Variants in NAV1 observed in about 807,000 individuals in gnomAD.
NAV1 encodes the protein neuron navigator 1.
A neutral mutation model predicts 175.2 loss-of-function variants in NAV1; 18 were observed. That is an observed-to-expected ratio of 0.10 (90% CI 0.07 to 0.15). NAV1 has a LOEUF of 0.15. Among genes scored for constraint, NAV1 ranks in the 10% least tolerant of loss-of-function variants. The pLI, the probability that NAV1 is intolerant of heterozygous loss-of-function variation, is 1.00. For missense variants in NAV1, 1,731 were observed against 2,436.6 expected, an observed-to-expected ratio of 0.71 and a Z score of 6.10; for synonymous variants, 897 against 978.7, an observed-to-expected ratio of 0.92 and a Z score of 1.56.
At chr1:201,742,259 A>G (rs891161831) in intron 3 of NAV1, among the ~76,000 whole-genome samples, 1 of 152,110 alleles carries the variant, frequency 6.6e-6, no homozygotes, top group Non-Finnish European at 1.5e-5. Flanking sequence ...AGAGATGCTT[A>G]CCCTCCAGAA....
At position 201,682,603 on chromosome 1, in the gene NAV1, A is replaced by G. The variant is rs183907553; in HGVS notation, c.758-30214A>G. 1.6e-4 allele frequency among the ~76,000 whole-genome samples: 24 copies of G among 152,326 alleles called. No homozygotes were observed. The East Asian group carries it at 4.6e-3, about 29-fold the overall frequency. On this transcript the variant is annotated intron_variant, in intron 1 of 29. Coordinates refer to ENST00000367296, the Ensembl canonical transcript of NAV1. Reference sequence around the variant, plus strand: ...CACTGACTTATAACCAAATCTGTGCATAGTCAAGACCCGCATTCAGCTCTG... The same window carrying G: ...CACTGACTTATAACCAAATCTGTGCGTAGTCAAGACCCGCATTCAGCTCTG...
exon 30 of NAV1, chr1:201,820,002 CCT>C: frequency 7.1e-7 from 1 of 1,417,780 alleles, no homozygotes; most frequent in Non-Finnish European, 1.0e-6. Flanking sequence ...CCTCCTCTCC[CCT>C]CTCCTCTTTC....
intron 15 of NAV1, among the ~76,000 whole-genome samples, chr1:201,802,446 C>G (rs1442608343): frequency 8.1e-6 from 1 of 123,212 alleles, no homozygotes; most frequent in Non-Finnish European, 1.7e-5. Context: ...CACAGCAAGA[C>G]CCTGTCTCAT....
intron 2 of NAV1, among the ~76,000 whole-genome samples, chr1:201,642,996 A>G (rs11809777): frequency 1.2e-3 from 184 of 151,804 alleles, no homozygotes; most frequent in African/African-American, 4.2e-3. Flanking sequence ...GGATGGTCTC[A>G]ATCTCCTGAC....
upstream of NAV1, among the ~76,000 whole-genome samples, chr1:201,622,035 G>A (rs1163517316): frequency 6.6e-6 from 1 of 152,216 alleles, no homozygotes; most frequent in African/African-American, 2.4e-5. Flanking sequence ...GAAGAGACAA[G>A]ATCAAGTGCT....
At position 201,808,435 on chromosome 1, in the gene NAV1, C is replaced by G; in HGVS notation, c.3863C>G (p.Ala1288Gly). ...TCTTACAGGGGCCCTGCTCACCCAG[C>G]CCCCCACACTAGGCTGTTCCATGCA... The change falls in exon 19 of 30, where the codon GCC (alanine) becomes GGC (glycine). Residue 1288 changes from alanine to glycine, a missense_variant. Ala to Gly is a moderately conservative substitution (Grantham distance 60, BLOSUM62 0). Transcript: ENST00000367296. The surrounding 1 kb of genome is among the most constrained non-coding windows in gnomAD (Gnocchi z 5.5). 6.2e-7 allele frequency: 1 copy of G among 1,612,588 alleles called. No individual in the cohort carries two copies. The highest frequency in any genetic ancestry group is 1.1e-5 in the South Asian group (1 of 90,926).
rs1483137934 is a variant in NAV1, at chr1:201,718,518, C to T, written c.989C>T (p.Ala330Val). The T allele has an allele frequency of 6.2e-7, 1 of 1,610,894 alleles. No homozygotes were observed. The highest frequency in any genetic ancestry group is 8.5e-7 in the Non-Finnish European group (1 of 1,178,110). The stretch of plus-strand genomic sequence containing the variant: ...AGTCCGCGGCTGCAGGCTGGTGACG[C>T]GCCCTCTGTGGGTGGGAGCTGCCGC... Residue 330 changes from alanine (A) to valine (V), a missense_variant, in exon 3 of 30, where the codon GCG becomes GTG. Around this residue, in one of 13 missense-constraint regions of NAV1, gnomAD observed 487 missense variants for 581.3 expected, o/e 0.84. Transcript: ENST00000367296. This position sits in a 1 kb window ranked among gnomAD's most constrained non-coding sequence, Gnocchi z 4.8.
At chr1:201,636,252 C>T (rs1207328468) in intron 2 of NAV1, among the ~76,000 whole-genome samples, 1 of 152,220 alleles carries the variant, frequency 6.6e-6, no homozygotes, top group Non-Finnish European at 1.5e-5. Flanking sequence ...AGTCTCCCTC[C>T]AGCACCACTG....
intron 2 of NAV1, among the ~76,000 whole-genome samples, chr1:201,632,930 T>C (rs917037046): frequency 2.0e-5 from 3 of 152,218 alleles, no homozygotes; most frequent in Non-Finnish European, 4.4e-5. Context: ...CTAAGAGAAC[T>C]TGCAAAGCTA....
intron 1 of NAV1, among the ~76,000 whole-genome samples, chr1:201,699,210 T>A (rs1440849759): frequency 1.3e-5 from 2 of 152,140 alleles, no homozygotes; most frequent in Non-Finnish European, 2.9e-5. Flanking sequence ...CAGCCCAAAA[T>A]CTCCTTAAGC....
At chr1:201,654,568 G>A (rs1669330025) in intron 1 of NAV1, among the ~76,000 whole-genome samples, 1 of 152,102 alleles carries the variant, frequency 6.6e-6, no homozygotes, top group Non-Finnish European at 1.5e-5. Context: ...TGGTGCAAGG[G>A]AGAGCCAGTG....
At chr1:201,604,416 C>G (rs760226587) in intron 2 of NAV1, among the ~76,000 whole-genome samples, 1 of 152,096 alleles carries the variant, frequency 6.6e-6, no homozygotes, top group Admixed American at 6.5e-5. Context: ...CAACGGCTCA[C>G]GCCTGTAATC....
intron 1 of NAV1, among the ~76,000 whole-genome samples, chr1:201,709,638 G>C (rs956433711): frequency 3.3e-5 from 5 of 152,174 alleles, no homozygotes; most frequent in African/African-American, 1.2e-4. Flanking sequence ...AAGCAGAGCG[G>C]CATACCCATG....
intron 1 of NAV1, among the ~76,000 whole-genome samples, chr1:201,555,815 G>C (rs112573203): frequency 7.1e-6 from 1 of 140,772 alleles, no homozygotes; most frequent in Non-Finnish European, 1.5e-5. Context: ...GGATTCGGGA[G>C]CCAGATGGGT....
chr1:201,636,885 A>T (rs12566163), intron 2 of NAV1, among the ~76,000 whole-genome samples: 19,595 of 152,192 alleles, frequency 0.13, 1,533 homozygotes, highest in Admixed American at 0.23. Flanking sequence ...CTGAGGTTGC[A>T]TGCAGGCAGG....
chr1:201,649,226 C>G, exon 1 of NAV1: 3 of 1,613,118 alleles, frequency 1.9e-6, no homozygotes, highest in Non-Finnish European at 2.5e-6. Context: ...AGCCGCTCAG[C>G]AAGGCGCCTG....
chr1:201,771,373 T>C (rs1437049110), intron 3 of NAV1, among the ~76,000 whole-genome samples: 2 of 151,004 alleles, frequency 1.3e-5, no homozygotes, highest in African/African-American at 4.9e-5. Flanking sequence ...TGGCCGGGCA[T>C]GGTGGCAGGC....
rs138051873 is a variant in NAV1 at position 201,810,678 on chromosome 1, G to A, written c.4717G>A (p.Glu1573Lys). ...GACCTACCTGACCAATCGCTTGGCC[G>A]AGTACCTGGTGGAGCGCTCTGGCCG... The change falls in exon 24 of 30, where the codon GAG (glutamate) becomes AAG (lysine). Residue 1573 changes from glutamate to lysine, a missense_variant. Coordinates refer to ENST00000367296, the Ensembl canonical transcript of NAV1. This position sits in a 1 kb window ranked among gnomAD's most constrained non-coding sequence, Gnocchi z 6.0. 2 of 1,614,068 alleles carry A rather than the reference G, an allele frequency of 1.2e-6. No homozygotes were observed. The highest frequency in any genetic ancestry group is 1.7e-6 in the Non-Finnish European group (2 of 1,180,006).
chr1:201,679,294 A>G (rs1444857566), intron 1 of NAV1, among the ~76,000 whole-genome samples: 1 of 152,162 alleles, frequency 6.6e-6, no homozygotes, highest in Non-Finnish European at 1.5e-5. Flanking sequence ...ACCGGTGTGC[A>G]TCTGGGAAAG....
Sources: gnomAD v4.1 joint callset for allele counts (sites outside exome capture counted in the v4.1 genomes callset) on GRCh38, gnomAD v4.1.1 for gene constraint, gnomAD v4.1.1 regional missense constraint, Gnocchi (gnomAD v3.1) non-coding constraint, MANE v1.5 for transcripts, NCBI Gene and HGNC (gene_info 2026-07-23, HGNC 2026-07-21) for gene names.